The following BZW2 variants were observed in gnomAD, a reference collection of about 807,000 sequenced individuals.
BZW2 encodes eIF5-mimic protein 1.
Under a neutral mutation model 53.2 loss-of-function variants are expected in BZW2, and 23 were observed. The ratio of observed to expected loss-of-function variants is 0.43; its 90% CI spans 0.31 to 0.61. BZW2 has a LOEUF of 0.61. Ranked by LOEUF, BZW2 falls within the 20% of genes least tolerant of loss-of-function variation. The pLI is 0.09. For missense variants in BZW2, 409 were observed against 503.1 expected, an observed-to-expected ratio of 0.81 and a Z score of 1.79; for synonymous variants, 227 against 186.4, an observed-to-expected ratio of 1.22 and a Z score of -1.77.
In BZW2 at chr7:16,694,975, C is replaced by T. The variant is rs1291250809; in HGVS notation, c.793C>T (p.Arg265Cys). 4 of 1,588,250 alleles carry T rather than the reference C, an allele frequency of 2.5e-6. No homozygotes were observed. The highest frequency in any genetic ancestry group is 1.7e-5 in the Admixed American group (1 of 59,410). ...RKELQKELQE[R>C]LSQECPIKEV... is the part of the protein sequence containing the mutation. ...GGAACTGCAGAAGGAGCTCCAGGAGCGTCTTTCTCAGGAATGCCCGATCAA... is the reference window on the plus strand; with the variant it reads ...GGAACTGCAGAAGGAGCTCCAGGAGTGTCTTTCTCAGGAATGCCCGATCAA... The change falls in exon 8 of 12, where the codon CGT becomes TGT. Residue 265 changes from arginine to cysteine, a missense_variant. Arg to Cys is a radical substitution (Grantham distance 180). This residue lies in a region of BZW2 where 316 missense variants were observed against 366.8 expected (regional missense o/e 0.86). Coordinates refer to ENST00000258761, the MANE Select transcript of BZW2 (RefSeq NM_014038.3).
intron 1 of BZW2, among the ~76,000 whole-genome samples, chr7:16,650,739 C>G (rs1300198925): frequency 2.0e-5 from 3 of 152,190 alleles, no homozygotes; most frequent in Non-Finnish European, 4.4e-5. Context: ...ATTCTTAACT[C>G]ACTCATTTCT....
rs1783560863 is a variant in BZW2, at chr7:16,698,170, G to A, written c.1092G>A (p.Val364=). The A allele has an allele frequency of 5.6e-6, 9 of 1,614,030 alleles. No homozygotes were observed. Among genetic ancestry groups the A allele is most frequent in the African/African-American group, 1.3e-5 (1 of 74,932 alleles). Residue 364 remains valine (V), a synonymous_variant, in exon 10 of 12, where the codon GTG becomes GTA. Transcript: ENST00000258761. ...IHFMKAFQKI[V]VLFYKADVLS... is the part of the protein sequence containing the mutation. ...TCATGAAAGCCTTTCAGAAGATTGT[G>A]GTTCTCTTTTATAAAGGTATCCATC...
At chr7:16,662,047 C>T (rs1187141954) in intron 1 of BZW2, 1 of 152,076 alleles carries the variant, frequency 6.6e-6, no homozygotes, top group Non-Finnish European at 1.5e-5. Context: ...GTTTCTTATT[C>T]AAAGTGTCCT....
Position 16,706,359 on chromosome 7 carries a change from T to G in BZW2, c.*271T>G. On this transcript the variant is annotated 3_prime_UTR_variant, in exon 12 of 12. Coordinates refer to ENST00000258761, the MANE Select transcript of BZW2 (RefSeq NM_014038.3). Reference sequence around the variant, plus strand: ...ACAAGGAGTCAAGTAGATCTGAAATTAAATACTCAACAGACTCCTCCTTTT... The same window carrying G: ...ACAAGGAGTCAAGTAGATCTGAAATGAAATACTCAACAGACTCCTCCTTTT... 1 of 386,270 alleles carries G rather than the reference T, an allele frequency of 2.6e-6. No individual in the cohort carries two copies. Among genetic ancestry groups the G allele is most frequent in the East Asian group, 4.4e-5 (1 of 22,670 alleles). The allele number at this position is 386,270 out of a possible 1,614,324, so 23.9% of individuals were successfully genotyped here.
At chr7:16,672,151 T>C (rs1437944563) in intron 2 of BZW2, among the ~76,000 whole-genome samples, 1 of 152,154 alleles carries the variant, frequency 6.6e-6, no homozygotes, top group Non-Finnish European at 1.5e-5. Flanking sequence ...ATGTACTTTG[T>C]GTGAATCCAC....
At chr7:16,660,970 T>A (rs967103398) in intron 1 of BZW2, among the ~76,000 whole-genome samples, 1 of 152,114 alleles carries the variant, frequency 6.6e-6, no homozygotes, top group Non-Finnish European at 1.5e-5. Context: ...AACAGCAGAA[T>A]TGAGTGGTTG....
At chr7:16,690,257 C>T (rs910572889) in intron 7 of BZW2, among the ~76,000 whole-genome samples, 1 of 151,512 alleles carries the variant, frequency 6.6e-6, no homozygotes, top group Non-Finnish European at 1.5e-5. Context: ...GGCTGGAGTG[C>T]AATGGCACAA....
At chr7:16,686,356 C>G (rs1783125988) in intron 6 of BZW2, 2 of 257,284 alleles carry the variant, frequency 7.8e-6, no homozygotes, top group Admixed American at 4.6e-5. Context: ...TCTTTTTGCC[C>G]TTCGACACAA....
At chr7:16,677,229 T>G (rs1782794409) in intron 3 of BZW2, among the ~76,000 whole-genome samples, 1 of 152,146 alleles carries the variant, frequency 6.6e-6, no homozygotes, top group African/African-American at 2.4e-5. Flanking sequence ...TTTCTTTGCC[T>G]CCTGTTTTTG....
Position 16,698,100 on chromosome 7 carries a change from T to C in BZW2, c.1022T>C (p.Ile341Thr), listed in dbSNP as rs780551598. 7 of 1,614,124 alleles carry C rather than the reference T, an allele frequency of 4.3e-6. No homozygotes were observed. Among genetic ancestry groups the C allele is most frequent in the Non-Finnish European group, 5.9e-6 (7 of 1,179,976 alleles). The change falls in exon 10 of 12, where the codon ATC (isoleucine) becomes ACC (threonine). Residue 341 changes from isoleucine (I) to threonine (T), a missense_variant. Physicochemically the swap from Ile to Thr is moderately conservative, Grantham distance 89 (BLOSUM62 -1). Around this residue, in one of 3 missense-constraint regions of BZW2, gnomAD observed 88 missense variants for 114.6 expected, o/e 0.77. Coordinates refer to ENST00000258761, the MANE Select transcript of BZW2 (RefSeq NM_014038.3). Reference sequence around the variant, plus strand: ...AGCTCCCAAGGCCAGTCAGAGCTGATCCTCCTCCAGAAGGTTCAGGAATAC... The same window carrying C: ...AGCTCCCAAGGCCAGTCAGAGCTGACCCTCCTCCAGAAGGTTCAGGAATAC... ...VFSSQGQSELILLQKVQEYCY... is the reference protein window; with the variant it reads ...VFSSQGQSELTLLQKVQEYCY...
intron 10 of BZW2, among the ~76,000 whole-genome samples, chr7:16,703,114 C>G: frequency 6.6e-6 from 1 of 152,260 alleles, no homozygotes; most frequent in Non-Finnish European, 1.5e-5. Context: ...CAATTAGGCT[C>G]TGATGGCTGG....
At chr7:16,693,826 T>A (rs1351607197) in intron 7 of BZW2, among the ~76,000 whole-genome samples, 1 of 152,222 alleles carries the variant, frequency 6.6e-6, no homozygotes, top group East Asian at 1.9e-4. Flanking sequence ...TTTTGAAACA[T>A]ATGACTCAAC....
Position 16,706,204 on chromosome 7 carries a change from A to T in BZW2, c.*116A>T. On this transcript the variant is annotated 3_prime_UTR_variant, in exon 12 of 12. Transcript: ENST00000258761. ...TTTCGCAAAGGAAAAAAAAAATAGG[A>T]TAGGCTTCCCTTGTGCAGAGGGAGA... The T allele has an allele frequency of 1.7e-6, 2 of 1,148,754 alleles. No homozygotes were observed. The highest frequency in any genetic ancestry group is 2.5e-6 in the Non-Finnish European group (2 of 785,488). The allele number at this position is 1,148,754 out of a possible 1,614,324, so 71.2% of individuals were successfully genotyped here. A position where few individuals can be genotyped will look rare whatever the true frequency, so the allele number is the denominator to read the frequency against.
rs201975045 is a variant in BZW2 at position 16,696,911 on chromosome 7, G to A, written c.823-4G>A. On this transcript the variant is annotated splice_polypyrimidine_tract_variant and splice_region_variant and intron_variant, in intron 8 of 11. Coordinates refer to ENST00000258761, the MANE Select transcript of BZW2 (RefSeq NM_014038.3). ...CTTTCTGACCCCATTTCCATGTAATGTAGGTGGTGCTTTATGTCAAAGAAG... is the reference window on the plus strand; with the variant it reads ...CTTTCTGACCCCATTTCCATGTAATATAGGTGGTGCTTTATGTCAAAGAAG... The A allele has an allele frequency of 1.5e-5, 24 of 1,613,882 alleles. No individual in the cohort carries two copies. In the South Asian group the frequency reaches 2.2e-4, roughly 15 times the overall value.
In BZW2 at chr7:16,658,722, A is replaced by G. The variant is rs576061606; in HGVS notation, c.-7-6715A>G. 1.8e-3 allele frequency among the ~76,000 whole-genome samples: 272 copies of G among 152,126 alleles called. 1 individual carries two copies. The South Asian group carries it at 0.021, about 12-fold the overall frequency. On this transcript the variant is annotated intron_variant, in intron 1 of 11. Transcript: ENST00000258761. ...AAACCCCGTCTGTACTAAAAATACA[A>G]AAATTAGCCGGGCATGGTGGCGTGC...
chr7:16,685,915 T>G lies in BZW2; in HGVS notation c.416T>G (p.Phe139Cys). The change falls in exon 6 of 12, where the codon TTC (phenylalanine) becomes TGC (cysteine). Residue 139 changes from phenylalanine to cysteine, a missense_variant. Coordinates refer to ENST00000258761, the MANE Select transcript of BZW2 (RefSeq NM_014038.3). Reference protein sequence around the residue: ...FEDEMKKLLLFLKAFSETEQT... With the variant: ...FEDEMKKLLLCLKAFSETEQT... Reference sequence around the variant, plus strand: ...TTTTTTGACCCACAGCTTCTCCTCTTCCTTAAAGCCTTTTCCGAAACAGAG... The same window carrying G: ...TTTTTTGACCCACAGCTTCTCCTCTGCCTTAAAGCCTTTTCCGAAACAGAG... The G allele has an allele frequency of 6.5e-7, 1 of 1,546,566 alleles. No individual in the cohort carries two copies. Among genetic ancestry groups the G allele is most frequent in the Non-Finnish European group, 8.7e-7 (1 of 1,145,620 alleles).
At chr7:16,690,293 C>T (rs567694306) in intron 7 of BZW2, among the ~76,000 whole-genome samples, 13 of 152,072 alleles carry the variant, frequency 8.5e-5, no homozygotes, top group African/African-American at 2.7e-4. Flanking sequence ...CCTCTGCCTC[C>T]GGAGTTCAAA....
At chr7:16,675,189 A>G (rs1562485178) in intron 3 of BZW2, among the ~76,000 whole-genome samples, 1 of 152,218 alleles carries the variant, frequency 6.6e-6, no homozygotes, top group Non-Finnish European at 1.5e-5. Context: ...TTTATTAAGT[A>G]TAATAGCCAC....
intron 3 of BZW2, among the ~76,000 whole-genome samples, chr7:16,675,068 A>C (rs1182888422): frequency 1.3e-5 from 2 of 152,240 alleles, no homozygotes; most frequent in Non-Finnish European, 2.9e-5. Context: ...GAAGATTAGA[A>C]ATTGTTAAAG....
Sources: allele counts gnomAD v4.1 joint callset (sites outside exome capture counted in the v4.1 genomes callset), GRCh38; gene constraint gnomAD v4.1.1; regional missense constraint gnomAD v4.1.1; transcripts MANE v1.5; gene names NCBI Gene and HGNC (gene_info 2026-07-23, HGNC 2026-07-21).